The following UNC13C variants were observed in gnomAD, a reference collection of about 807,000 sequenced individuals.
UNC13C encodes unc-13 homolog C.
In UNC13C, 174 loss-of-function variants were observed where a neutral mutation model predicts 245.4. That is an observed-to-expected ratio of 0.71 (90% CI 0.63 to 0.80). The LOEUF is 0.80. UNC13C is among the 30% of genes least tolerant of loss of function. The pLI is 0.00. For missense variants in UNC13C, 2,829 were observed against 2,602.9 expected (o/e 1.09, Z -1.89); for synonymous variants, 992 against 895.1 (o/e 1.11, Z -1.93).
the UNC13C span, among the ~76,000 whole-genome samples, chr15:53,959,520 C>T: frequency 4.1e-4 from 62 of 152,232 alleles, no homozygotes; most frequent in East Asian, 7.7e-4. Flanking sequence ...TGTTCATGCT[C>T]GTGTTGGTGG....
intron 2 of UNC13C, among the ~76,000 whole-genome samples, chr15:54,085,946 G>A (rs1001492814): frequency 1.3e-5 from 2 of 152,100 alleles, no homozygotes; most frequent in African/African-American, 2.4e-5. Flanking sequence ...TTTTATTTTA[G>A]TTGACATGTA....
At chr15:53,861,195 T>C in the UNC13C span, among the ~76,000 whole-genome samples, 4 of 152,308 alleles carry the variant, frequency 2.6e-5, no homozygotes, top group South Asian at 8.3e-4. Flanking sequence ...AAAATGAATA[T>C]GTTCAAGGAC....
intron 2 of UNC13C, among the ~76,000 whole-genome samples, chr15:54,032,085 G>A (rs1896381100): frequency 6.6e-6 from 1 of 152,210 alleles, no homozygotes; most frequent in African/African-American, 2.4e-5. Context: ...GACTGAGGAT[G>A]ATTATAGAAT....
At chr15:53,947,910 C>A in the UNC13C span, 1 of 152,156 alleles carries the variant, frequency 6.6e-6, no homozygotes, top group East Asian at 1.9e-4. Flanking sequence ...ACTTTGTCTT[C>A]AGAAACATAT....
intron 1 of UNC13C, among the ~76,000 whole-genome samples, chr15:53,985,461 G>A (rs1479916811): frequency 1.3e-5 from 2 of 151,512 alleles, no homozygotes; most frequent in African/African-American, 2.4e-5. Context: ...GTATACATGT[G>A]TTAAGTATAC....
At chr15:54,543,989 C>CA (rs940377651) in intron 26 of UNC13C, among the ~76,000 whole-genome samples, 4 of 151,884 alleles carry the variant, frequency 2.6e-5, no homozygotes, top group Admixed American at 1.3e-4. Context: ...AGAGATACAA[C>CA]AAAAAAAGAG....
At chr15:54,472,366 G>A (rs11638553) in intron 19 of UNC13C, among the ~76,000 whole-genome samples, 62,460 of 151,440 alleles carry the variant, frequency 0.41, 13,156 homozygotes, top group East Asian at 0.62. Flanking sequence ...ACTTTTTACT[G>A]AAGATTATCA....
intron 28 of UNC13C, among the ~76,000 whole-genome samples, chr15:54,552,659 T>TACAA (rs1566905013): frequency 3.7e-5 from 3 of 81,330 alleles, no homozygotes; most frequent in Non-Finnish European, 5.9e-5. Flanking sequence ...TATAATTATA[T>TACAA]TATATTGTAC....
At chr15:53,945,844 G>A in the UNC13C span, among the ~76,000 whole-genome samples, 8 of 152,096 alleles carry the variant, frequency 5.3e-5, no homozygotes, top group Non-Finnish European at 1.0e-4. Context: ...GGGCAGTATG[G>A]TCATTTTAAT....
At chr15:54,064,888 A>T (rs1419675117) in intron 2 of UNC13C, among the ~76,000 whole-genome samples, 2 of 152,244 alleles carry the variant, frequency 1.3e-5, no homozygotes, top group Admixed American at 6.5e-5. Context: ...TCTTATATGA[A>T]GTTCTCAAAA....
At chr15:54,123,414 A>T (rs1397526104) in intron 2 of UNC13C, among the ~76,000 whole-genome samples, 2 of 151,406 alleles carry the variant, frequency 1.3e-5, no homozygotes, top group Non-Finnish European at 3.0e-5. Context: ...AATTATTTTC[A>T]TATGTATTTT....
intron 19 of UNC13C, among the ~76,000 whole-genome samples, chr15:54,449,573 C>T (rs1891048349): frequency 6.6e-6 from 1 of 152,226 alleles, no homozygotes; most frequent in Non-Finnish European, 1.5e-5. Flanking sequence ...AAATCAGCTA[C>T]TGAAGCTTGT....
At chr15:54,350,269 C>A (rs1596265741) in intron 17 of UNC13C, among the ~76,000 whole-genome samples, 1 of 152,146 alleles carries the variant, frequency 6.6e-6, no homozygotes, top group Admixed American at 6.5e-5. Flanking sequence ...GGATTACAGG[C>A]GTGAGACCCC....
intron 4 of UNC13C, among the ~76,000 whole-genome samples, chr15:54,167,182 G>C (rs2033191055): frequency 6.6e-6 from 1 of 152,020 alleles, no homozygotes; most frequent in African/African-American, 2.4e-5. Context: ...TTTGATTTTT[G>C]ACATAAATGA....
intron 19 of UNC13C, among the ~76,000 whole-genome samples, chr15:54,417,921 A>ATGTT (rs150006297): frequency 1.6e-4 from 24 of 151,926 alleles, no homozygotes; most frequent in East Asian, 1.4e-3. Flanking sequence ...TGTTTTATGT[A>ATGTT]TGTTTGTTTG....
At chr15:54,012,390 A>T (rs1000920577) in intron 1 of UNC13C, among the ~76,000 whole-genome samples, 2 of 152,200 alleles carry the variant, frequency 1.3e-5, no homozygotes, top group Non-Finnish European at 1.5e-5. Context: ...CTAAATAATC[A>T]TAATTACCTT....
chr15:53,987,892 C>T (rs1255230271), intron 1 of UNC13C, among the ~76,000 whole-genome samples: 1 of 152,030 alleles, frequency 6.6e-6, no homozygotes, highest in Non-Finnish European at 1.5e-5. Flanking sequence ...ATCTATAAAA[C>T]ATTTGGCATC....
chr15:54,103,994 C>T (rs1022578062), intron 2 of UNC13C, among the ~76,000 whole-genome samples: 2 of 152,342 alleles, frequency 1.3e-5, no homozygotes, highest in African/African-American at 2.4e-5. Flanking sequence ...CTGCCCGCCT[C>T]GGCCTCCCAA....
At chr15:53,920,335 A>G in the UNC13C span, among the ~76,000 whole-genome samples, 3 of 152,056 alleles carry the variant, frequency 2.0e-5, no homozygotes, top group African/African-American at 7.2e-5. Flanking sequence ...GCACTTTGGG[A>G]GGCTGGTCAG....
Sources: gnomAD v4.1 joint callset for allele counts (sites outside exome capture counted in the v4.1 genomes callset) on GRCh38, gnomAD v4.1.1 for gene constraint, MANE v1.5 for transcripts, NCBI Gene and HGNC (gene_info 2026-07-23, HGNC 2026-07-21) for gene names.